Variants in FGF12 observed in about 807,000 individuals in gnomAD.
The protein encoded by FGF12 is fibroblast growth factor 12, also known as fibroblast growth factor 12B.
Under a neutral mutation model 23.6 loss-of-function variants are expected in FGF12, and 14 were observed. That is an observed-to-expected ratio of 0.59 (90% CI 0.39 to 0.93). FGF12 has a LOEUF of 0.93. Ranked by LOEUF, FGF12 falls within the 40% of genes least tolerant of loss-of-function variation. FGF12 has a pLI of 0.00. For synonymous variants in FGF12, 62 were observed against 77.3 expected (o/e 0.80, Z 1.04); for missense variants, 175 against 217.8 (o/e 0.80, Z 1.24).
Position 192,141,096 on chromosome 3 carries a change from A to G in FGF12, c.*2913T>C, listed in dbSNP as rs1427948334. 1.0e-5 allele frequency: 1 copy of G among 98,744 alleles called. No homozygotes were observed. The highest frequency in any genetic ancestry group is 3.9e-5 in the African/African-American group (1 of 25,404). The allele number at this position is 98,744 out of a possible 1,614,324, so 6.1% of individuals were successfully genotyped here. A position where few individuals can be genotyped will look rare whatever the true frequency, so the allele number is the denominator to read the frequency against. ...ATTGCAAAGCATTACTAAAAGCCAT[A>G]TTTTTTCCTGGGAAAAATCCCAATG... On this transcript the variant is annotated 3_prime_UTR_variant, in exon 6 of 6. Transcript: ENST00000445105.
chr3:192,581,494 A>ATGTGTGTGTGTG lies in FGF12; in HGVS notation c.13+145686_13+145687insCACACACACACA, dbSNP rs1560158260. 6.0e-4 allele frequency among the ~76,000 whole-genome samples: 53 copies of ATGTGTGTGTGTG among 88,260 alleles called. 1 individual carries two copies. The highest frequency in any genetic ancestry group is 3.9e-3 in the South Asian group (13 of 3,296). 57.9% of individuals were successfully genotyped at this position (88,260 alleles called of 152,430 possible). ...TATATATGTGTGTGTGTGTATATAT[A>ATGTGTGTGTGTG]TATATATATATATATACAGGAAGAA... is the stretch of plus-strand genomic sequence containing the variant. On this transcript the variant is annotated intron_variant, in intron 2 of 5. Coordinates refer to ENST00000445105, the MANE Select transcript of FGF12 (RefSeq NM_004113.6).
intron 2 of FGF12, among the ~76,000 whole-genome samples, chr3:192,631,658 T>TC (rs1171799181): frequency 6.6e-6 from 1 of 152,134 alleles, no homozygotes. Flanking sequence ...ACTTCCTCTC[T>TC]CCATTACTAG....
At chr3:192,629,639 C>T (rs1715309571) in intron 2 of FGF12, among the ~76,000 whole-genome samples, 1 of 151,682 alleles carries the variant, frequency 6.6e-6, no homozygotes, top group Non-Finnish European at 1.5e-5. Context: ...AAGAGTGTGC[C>T]AATAAACTTC....
At chr3:192,416,831 C>T (rs1285088216) in intron 2 of FGF12, among the ~76,000 whole-genome samples, 1 of 152,108 alleles carries the variant, frequency 6.6e-6, no homozygotes. Flanking sequence ...GTCTGTGTGT[C>T]TGCGAAGTCT....
intron 2 of FGF12, among the ~76,000 whole-genome samples, chr3:192,405,687 C>T (rs1720930212): frequency 6.6e-6 from 1 of 152,176 alleles, no homozygotes; most frequent in African/African-American, 2.4e-5. Flanking sequence ...TGTTTAGCAA[C>T]TTCCTCCCAA....
At chr3:192,412,754 G>C (rs989684078) in intron 2 of FGF12, among the ~76,000 whole-genome samples, 3 of 152,126 alleles carry the variant, frequency 2.0e-5, no homozygotes, top group Non-Finnish European at 4.4e-5. Flanking sequence ...TTTCCTACCT[G>C]GGCCACTAAA....
In FGF12 at chr3:192,515,799, A is replaced by G. The variant is rs376432556; in HGVS notation, c.14-155261T>C. On this transcript the variant is annotated intron_variant, in intron 2 of 5. Transcript: ENST00000445105. ...AAACAGCTTCTCCATGAGTTTAAAG[A>G]TCTCGATTTTTTTTTCCCAGCAGCC... is the stretch of plus-strand genomic sequence containing the variant. 1.2e-4 allele frequency among the ~76,000 whole-genome samples: 18 copies of G among 149,190 alleles called. No homozygotes were observed. In the East Asian group the frequency reaches 3.2e-3, roughly 27 times the overall value.
intron 5 of FGF12, among the ~76,000 whole-genome samples, chr3:192,157,312 G>T (rs1342570061): frequency 6.6e-6 from 1 of 152,126 alleles, no homozygotes; most frequent in African/African-American, 2.4e-5. Context: ...GCAACACTTG[G>T]TCAGAACAGG....
intron 4 of FGF12, among the ~76,000 whole-genome samples, chr3:192,325,097 C>G (rs112284944): frequency 6.6e-6 from 1 of 152,066 alleles, no homozygotes; most frequent in South Asian, 2.1e-4. Flanking sequence ...AAAAAGACAA[C>G]CTAATCCCAA....
At chr3:192,660,651 G>A (rs1716630234) in intron 2 of FGF12, among the ~76,000 whole-genome samples, 1 of 152,068 alleles carries the variant, frequency 6.6e-6, no homozygotes, top group Admixed American at 6.6e-5. Context: ...ACTTACAAGG[G>A]ATGAAAAATT....
intron 4 of FGF12, among the ~76,000 whole-genome samples, chr3:192,183,898 G>A (rs757662181): frequency 3.9e-5 from 6 of 152,120 alleles, no homozygotes; most frequent in East Asian, 3.8e-4. Context: ...TGATTTATGC[G>A]CTTTCGTAGA....
At chr3:192,284,542 C>CA (rs1013708190) in intron 4 of FGF12, among the ~76,000 whole-genome samples, 37 of 151,776 alleles carry the variant, frequency 2.4e-4, no homozygotes, top group Middle Eastern at 3.4e-3. Context: ...AGGAGATTTT[C>CA]AAAAAAATAG....
chr3:192,640,803 GTTTGT>G (rs1303578544), intron 2 of FGF12, among the ~76,000 whole-genome samples: 1 of 33,210 alleles, frequency 3.0e-5, no homozygotes, highest in African/African-American at 9.6e-5. Context: ...TTTTTTGTTT[GTTTGT>G]TTGTTTGTTT....
At chr3:192,493,078 A>G (rs1723848760) in intron 2 of FGF12, among the ~76,000 whole-genome samples, 1 of 151,540 alleles carries the variant, frequency 6.6e-6, no homozygotes, top group South Asian at 2.1e-4. Context: ...AGTCATCTCA[A>G]TGTGTAATCA....
chr3:192,684,025 C>T (rs1717640579), intron 2 of FGF12, among the ~76,000 whole-genome samples: 1 of 152,172 alleles, frequency 6.6e-6, no homozygotes, highest in African/African-American at 2.4e-5. Context: ...CAGCATCTCC[C>T]TTCCATGATA....
intron 2 of FGF12, among the ~76,000 whole-genome samples, chr3:192,667,951 T>C (rs1716955326): frequency 1.3e-5 from 2 of 152,304 alleles, no homozygotes; most frequent in South Asian, 4.1e-4. Context: ...TAGTTTTACT[T>C]CTGAAAATGT....
chr3:192,511,872 A>G (rs4686610), intron 2 of FGF12, among the ~76,000 whole-genome samples: 111,248 of 152,042 alleles, frequency 0.73, 41,973 homozygotes, highest in Non-Finnish European at 0.83. Flanking sequence ...TAGACAAGAC[A>G]TTCATATCTG....
chr3:192,523,297 T>C (rs1329622564), intron 2 of FGF12, among the ~76,000 whole-genome samples: 1 of 152,188 alleles, frequency 6.6e-6, no homozygotes, highest in African/African-American at 2.4e-5. Flanking sequence ...GTATTGATGA[T>C]CATTATCCTC....
intron 2 of FGF12, among the ~76,000 whole-genome samples, chr3:192,367,189 G>A (rs557854929): frequency 1.3e-5 from 2 of 152,230 alleles, no homozygotes; most frequent in African/African-American, 4.8e-5. Context: ...TTCCTTAGTC[G>A]GTGCTTAAGA....
Sources: allele counts gnomAD v4.1 joint callset (sites outside exome capture counted in the v4.1 genomes callset), GRCh38; gene constraint gnomAD v4.1.1; transcripts MANE v1.5; gene names NCBI Gene and HGNC (gene_info 2026-07-23, HGNC 2026-07-21).